N4BP1: variants seen among roughly 807,000 people sequenced by gnomAD.
The protein encoded by N4BP1 is NEDD4 binding protein 1.
N4BP1 carries 21 observed loss-of-function variants against 70.9 expected under a neutral mutation model. The observed-to-expected ratio is 0.30, with a 90% CI of 0.21 to 0.43. N4BP1 has a LOEUF of 0.43. N4BP1 is among the 20% of genes least tolerant of loss of function. The pLI, the probability that N4BP1 is intolerant of heterozygous loss-of-function variation, is 1.00. For synonymous variants in N4BP1, 387 were observed against 394.6 expected, an observed-to-expected ratio of 0.98 and a Z score of 0.23; for missense variants, 936 against 1,069.4, an observed-to-expected ratio of 0.88 and a Z score of 1.74.
intron 4 of N4BP1, 79 bp downstream of exon 4, chr16:48,551,307 G>A: frequency 3.9e-6 from 4 of 1,015,544 alleles, no homozygotes; most frequent in Non-Finnish European, 6.1e-6. Context: ...CTCTAAAAGT[G>A]TGGACCTGTC....
chr16:48,584,289 G>C (rs955963066), intron 1 of N4BP1, among the ~76,000 whole-genome samples: 1 of 152,068 alleles, frequency 6.6e-6, no homozygotes, highest in Non-Finnish European at 1.5e-5. Flanking sequence ...ATCACGTTTC[G>C]GGACCAATGA....
intron 1 of N4BP1, chr16:48,600,207 G>C: frequency 1.4e-6 from 1 of 718,100 alleles, no homozygotes; most frequent in Non-Finnish European, 2.5e-6. Flanking sequence ...CATCTACCCT[G>C]GCCACGGCAT....
intron 1 of N4BP1, among the ~76,000 whole-genome samples, chr16:48,585,484 A>C (rs1025637971): frequency 5.1e-4 from 77 of 152,042 alleles, no homozygotes; most frequent in African/African-American, 1.7e-3. Context: ...TTAAAAAAAA[A>C]ATAAATGATT....
chr16:48,574,021 AG>A (rs1325789019), intron 1 of N4BP1, among the ~76,000 whole-genome samples: 5 of 152,210 alleles, frequency 3.3e-5, no homozygotes, highest in African/African-American at 9.7e-5. Context: ...AGACCAGTGC[AG>A]TTCAAACCCA....
At chr16:48,578,329 GC>G (rs1964130109) in intron 1 of N4BP1, 1 of 152,350 alleles carries the variant, frequency 6.6e-6, no homozygotes, top group South Asian at 2.1e-4. Flanking sequence ...TGCACCCCTT[GC>G]CCCCTCACCA....
rs375737753 is a variant in N4BP1, at chr16:48,560,915, A to G, written c.1728T>C (p.Asp576=). 6.2e-7 allele frequency: 1 copy of G among 1,614,040 alleles called. No homozygotes were observed. Among genetic ancestry groups the G allele is most frequent in the Non-Finnish European group, 8.5e-7 (1 of 1,179,888 alleles). Residue 576 remains aspartate (D), a synonymous_variant, in exon 2 of 7, where the codon GAT becomes GAC. Transcript: ENST00000262384. ...GATCAGAAGGTCCTGCCGACCTTGCATCAGTAACCGAAGGTAACAGCTGGG... is the reference window on the plus strand; with the variant it reads ...GATCAGAAGGTCCTGCCGACCTTGCGTCAGTAACCGAAGGTAACAGCTGGG... ...PLPQLLPSVT[D]ARSAGPSDHI... is the part of the protein sequence containing the mutation.
Position 48,549,467 on chromosome 16 carries a change from T to C in N4BP1, c.2118-1353A>G, listed in dbSNP as rs575128433. Among the ~76,000 whole-genome samples, 18 of 152,340 alleles carry C rather than the reference T, an allele frequency of 1.2e-4. No homozygotes were observed. The East Asian group carries it at 2.5e-3, about 21-fold the overall frequency. ...AGCAAGAGCTTAGTCTGCATACTTG[T>C]ACGTGTGTTCCAACGCTGCTGGTGT... On this transcript the variant is annotated intron_variant, in intron 4 of 6. Coordinates refer to ENST00000262384, the MANE Select transcript of N4BP1 (RefSeq NM_153029.4).
intron 1 of N4BP1, among the ~76,000 whole-genome samples, chr16:48,585,541 CT>C (rs35508080): frequency 1.9e-3 from 267 of 140,870 alleles, no homozygotes; most frequent in Admixed American, 1.9e-3. Flanking sequence ...TAGTAACGAA[CT>C]TTTTTTTTTT....
intron 1 of N4BP1, among the ~76,000 whole-genome samples, chr16:48,601,370 TAA>T (rs1228408276): frequency 2.0e-5 from 3 of 152,226 alleles, no homozygotes; most frequent in Non-Finnish European, 4.4e-5. Context: ...CAGTGCCTTT[TAA>T]AAGTTATTAT....
At chr16:48,574,894 G>C (rs1156953459) in intron 1 of N4BP1, among the ~76,000 whole-genome samples, 1 of 152,218 alleles carries the variant, frequency 6.6e-6, no homozygotes, top group Non-Finnish European at 1.5e-5. Context: ...TCCTGTGCTG[G>C]AAGTGTGGAA....
intron 1 of N4BP1, among the ~76,000 whole-genome samples, chr16:48,595,942 T>A (rs753916955): frequency 6.6e-6 from 1 of 152,154 alleles, no homozygotes; most frequent in Non-Finnish European, 1.5e-5. Context: ...TATAAACCCA[T>A]GGCTGGGCTT....
intron 6 of N4BP1, 74 bp downstream of exon 6, chr16:48,546,073 A>T (rs770768276): frequency 1.5e-5 from 14 of 934,416 alleles, no homozygotes; most frequent in Non-Finnish European, 2.3e-5. Context: ...TAGTCTATAA[A>T]GACAGCACTT....
chr16:48,607,431 T>C (rs1964600744), intron 1 of N4BP1, among the ~76,000 whole-genome samples: 1 of 152,192 alleles, frequency 6.6e-6, no homozygotes, highest in Non-Finnish European at 1.5e-5. Context: ...GTTGGATTAA[T>C]CGTTTTGTAA....
At chr16:48,597,917 C>A (rs1319853238) in intron 1 of N4BP1, among the ~76,000 whole-genome samples, 1 of 152,158 alleles carries the variant, frequency 6.6e-6, no homozygotes, top group Non-Finnish European at 1.5e-5. Context: ...TTGGTGGATG[C>A]AGAATGCATG....
chr16:48,579,911 T>A (rs552836705), intron 1 of N4BP1, among the ~76,000 whole-genome samples: 1 of 152,122 alleles, frequency 6.6e-6, no homozygotes, highest in African/African-American at 2.4e-5. Context: ...CATGACAGTA[T>A]AACAACTATA....
chr16:48,567,981 C>T (rs1372953971), intron 1 of N4BP1, among the ~76,000 whole-genome samples: 1 of 152,104 alleles, frequency 6.6e-6, no homozygotes, highest in Non-Finnish European at 1.5e-5. Flanking sequence ...AGGCCAGGTA[C>T]CAGACAACCA....
chr16:48,608,480 C>T (rs766613816), intron 1 of N4BP1, among the ~76,000 whole-genome samples: 1 of 152,156 alleles, frequency 6.6e-6, no homozygotes, highest in Non-Finnish European at 1.5e-5. Context: ...AAAGAGGGCC[C>T]TTCCTGCCCA....
At chr16:48,600,663 A>G (rs1454432037) in intron 1 of N4BP1, 4 of 489,306 alleles carry the variant, frequency 8.2e-6, no homozygotes, top group African/African-American at 2.0e-5. Flanking sequence ...AAATCTCTGT[A>G]ACCATTTCTT....
chr16:48,566,691 G>C (rs1209757752), intron 1 of N4BP1, among the ~76,000 whole-genome samples: 1 of 152,140 alleles, frequency 6.6e-6, no homozygotes, highest in Non-Finnish European at 1.5e-5. Flanking sequence ...TGTTGAGTGG[G>C]ATGTTTTATA....
Sources: allele counts gnomAD v4.1 joint callset (sites outside exome capture counted in the v4.1 genomes callset), GRCh38; gene constraint gnomAD v4.1.1; transcripts MANE v1.5; gene names NCBI Gene and HGNC (gene_info 2026-07-23, HGNC 2026-07-21).